The following FMN1 variants were observed in gnomAD, a reference collection of about 807,000 sequenced individuals.
FMN1 encodes the protein formin-1.
FMN1 carries 110 observed loss-of-function variants against 132.4 expected under a neutral mutation model. The ratio of observed to expected loss-of-function variants is 0.83; its 90% CI spans 0.71 to 0.97. The LOEUF (loss-of-function observed/expected upper bound fraction) is 0.97, where lower values mean the gene tolerates loss of function less well. FMN1 is among the 50% of genes least tolerant of loss of function. The probability of loss-of-function intolerance (pLI) is 0.00; values close to 1 mark genes in which losing one functional copy is unlikely to be tolerated. For missense variants in FMN1, 1,792 were observed against 1,705.3 expected, an observed-to-expected ratio of 1.05 and a Z score of -0.90; for synonymous variants, 722 against 651.7, an observed-to-expected ratio of 1.11 and a Z score of -1.64.
In FMN1 at chr15:33,042,267, G is replaced by C. The variant is rs1210219379; in HGVS notation, c.2161+22690C>G. 2.6e-5 allele frequency among the ~76,000 whole-genome samples: 4 copies of C among 152,236 alleles called. No homozygotes were observed. In the East Asian group the frequency reaches 7.7e-4, roughly 29 times the overall value. Reference sequence around the variant, plus strand: ...AAGGTCATAAAAGAAATCTTGCAGAGGCAAGTTATGCTCCTGGATGGGAAG... The same window carrying C: ...AAGGTCATAAAAGAAATCTTGCAGACGCAAGTTATGCTCCTGGATGGGAAG... On this transcript the variant is annotated intron_variant, in intron 6 of 20. Coordinates refer to ENST00000616417, the MANE Select transcript of FMN1 (RefSeq NM_001277313.2).
At chr15:33,115,290 C>T (rs943907554) in intron 4 of FMN1, among the ~76,000 whole-genome samples, 1 of 152,098 alleles carries the variant, frequency 6.6e-6, no homozygotes, top group South Asian at 2.1e-4. Flanking sequence ...GGACACTTCT[C>T]ATGGGAAATA....
At chr15:32,794,382 C>T (rs1316713888) in intron 19 of FMN1, among the ~76,000 whole-genome samples, 1 of 151,874 alleles carries the variant, frequency 6.6e-6, no homozygotes, top group African/African-American at 2.4e-5. Context: ...AATTATATGC[C>T]CAGACTTTAT....
At chr15:33,128,870 C>A in intron 4 of FMN1, among the ~76,000 whole-genome samples, 1 of 152,300 alleles carries the variant, frequency 6.6e-6, no homozygotes, top group East Asian at 1.9e-4. Context: ...CAGAGGCCTG[C>A]GTGCGTGGCC....
chr15:32,864,483 T>C (rs1388487613), intron 16 of FMN1, among the ~76,000 whole-genome samples: 1 of 152,238 alleles, frequency 6.6e-6, no homozygotes, highest in Non-Finnish European at 1.5e-5. Flanking sequence ...AATCTATATG[T>C]AACCAAAGGT....
rs544124239 is a variant in FMN1, at chr15:32,771,157, C to T, written c.*3153G>A. On this transcript the variant is annotated 3_prime_UTR_variant, in exon 21 of 21. Transcript: ENST00000616417. ...GCAGTGGTGCTATCTCGGCTAGCTG[C>T]AAGCTCCACCTCCTGGGTTCACGCC... 6.6e-6 allele frequency: 1 copy of T among 151,044 alleles called. No homozygotes were observed. Among genetic ancestry groups the T allele is most frequent in the African/African-American group, 2.4e-5 (1 of 40,968 alleles). 9.4% of individuals were successfully genotyped at this position (151,044 alleles called of 1,614,324 possible).
chr15:33,111,079 TC>T (rs1191399102), intron 4 of FMN1, among the ~76,000 whole-genome samples: 1 of 150,892 alleles, frequency 6.6e-6, no homozygotes, highest in African/African-American at 2.5e-5. Context: ...TACATTCATT[TC>T]TCATGGCATA....
At chr15:32,921,679 C>CTTT (rs11421047) in intron 10 of FMN1, among the ~76,000 whole-genome samples, 8,293 of 140,712 alleles carry the variant, frequency 0.059, 289 homozygotes, top group Non-Finnish European at 0.077. Flanking sequence ...TCTTTTTTTT[C>CTTT]TTTTTTTTTT....
chr15:32,818,778 C>G (rs1481898396), intron 17 of FMN1, among the ~76,000 whole-genome samples: 1 of 152,108 alleles, frequency 6.6e-6, no homozygotes, highest in Admixed American at 6.6e-5. Context: ...GCCACACACA[C>G]AAGCACGCAT....
intron 19 of FMN1, among the ~76,000 whole-genome samples, chr15:32,780,511 C>A (rs2056629928): frequency 6.6e-6 from 1 of 152,180 alleles, no homozygotes; most frequent in South Asian, 2.1e-4. Flanking sequence ...CAAAAAATAA[C>A]CATAAAAGTG....
At chr15:32,957,065 C>A (rs2061786140) in intron 9 of FMN1, among the ~76,000 whole-genome samples, 1 of 152,164 alleles carries the variant, frequency 6.6e-6, no homozygotes, top group South Asian at 2.1e-4. Context: ...GGGGAATAGC[C>A]ATTATCTCAT....
At chr15:33,189,751 A>G (rs1241713140) in intron 2 of FMN1, among the ~76,000 whole-genome samples, 1 of 152,228 alleles carries the variant, frequency 6.6e-6, no homozygotes, top group African/African-American at 2.4e-5. Flanking sequence ...TCACAGAGGA[A>G]CCAGCAGATT....
intron 16 of FMN1, among the ~76,000 whole-genome samples, chr15:32,857,724 T>C (rs1028294215): frequency 1.3e-5 from 2 of 152,248 alleles, no homozygotes; most frequent in African/African-American, 4.8e-5. Flanking sequence ...TCAGATAGAC[T>C]ATCTAAAATT....
intron 19 of FMN1, among the ~76,000 whole-genome samples, chr15:32,792,394 G>A (rs1567173858): frequency 6.6e-6 from 1 of 151,348 alleles, no homozygotes; most frequent in Non-Finnish European, 1.5e-5. Context: ...GTAGTGAGCC[G>A]AAATCGCGCC....
chr15:33,151,262 C>G (rs780592042), intron 4 of FMN1: 2 of 1,536,050 alleles, frequency 1.3e-6, no homozygotes, highest in Admixed American at 3.9e-5. Context: ...AAGCTCTTAC[C>G]CACTTCTACT....
Position 32,920,591 on chromosome 15 carries a change from G to C in FMN1, c.3226+5583C>G, listed in dbSNP as rs542573010. 4.6e-5 allele frequency among the ~76,000 whole-genome samples: 7 copies of C among 152,258 alleles called. No homozygotes were observed. In the South Asian group the frequency reaches 8.3e-4, roughly 18 times the overall value. On this transcript the variant is annotated intron_variant, in intron 10 of 20. Transcript: ENST00000616417. The stretch of plus-strand genomic sequence containing the variant: ...CCACTAGCACAAAGGTAGATTTTTA[G>C]ATGCTCACCGAACACTTTAGCTGAG...
In FMN1 at chr15:33,101,395, T is replaced by G. The variant is rs116242403; in HGVS notation, c.1868-12421A>C. ...AATCTTTTGGCTTCCCTGGGCCACA[T>G]TGGAAGAAAAATTGTCTTTAGCCAC... On this transcript the variant is annotated intron_variant, in intron 4 of 20. Coordinates refer to ENST00000616417, the MANE Select transcript of FMN1 (RefSeq NM_001277313.2). 3.4e-4 allele frequency among the ~76,000 whole-genome samples: 51 copies of G among 152,198 alleles called. No homozygotes were observed. The East Asian group carries it at 8.3e-3, about 25-fold the overall frequency.
At chr15:32,862,596 T>C (rs976545209) in intron 16 of FMN1, among the ~76,000 whole-genome samples, 1 of 152,168 alleles carries the variant, frequency 6.6e-6, no homozygotes, top group Non-Finnish European at 1.5e-5. Context: ...TTTTTTGTTT[T>C]TCACCCCTAA....
At chr15:33,004,553 G>A (rs981999569) in intron 7 of FMN1, among the ~76,000 whole-genome samples, 6 of 152,190 alleles carry the variant, frequency 3.9e-5, no homozygotes, top group Admixed American at 1.3e-4. Flanking sequence ...TGCTGGAGAG[G>A]ATGTGAAGAA....
intron 10 of FMN1, among the ~76,000 whole-genome samples, chr15:32,915,446 C>G (rs566749320): frequency 2.0e-5 from 3 of 152,238 alleles, no homozygotes; most frequent in African/African-American, 7.2e-5. Flanking sequence ...GGAAAGAAGT[C>G]AGTCTTCAAC....
Sources: gnomAD v4.1 joint callset for allele counts (sites outside exome capture counted in the v4.1 genomes callset) on GRCh38, gnomAD v4.1.1 for gene constraint, MANE v1.5 for transcripts, NCBI Gene and HGNC (gene_info 2026-07-23, HGNC 2026-07-21) for gene names.